Variants in ZFHX3 observed in about 807,000 individuals in gnomAD.
The protein encoded by ZFHX3 is zinc finger homeobox protein 3.
A neutral mutation model predicts 279.1 loss-of-function variants in ZFHX3; 42 were observed. The ratio of observed to expected loss-of-function variants is 0.15; its 90% CI spans 0.12 to 0.19. The LOEUF (loss-of-function observed/expected upper bound fraction) is 0.19. Ranked by LOEUF, ZFHX3 falls within the 10% of genes least tolerant of loss-of-function variation. The pLI, the probability that ZFHX3 is intolerant of heterozygous loss-of-function variation, is 1.00. For missense variants in ZFHX3, 4,981 were observed against 4,754.0 expected (o/e 1.05, Z -1.40); for synonymous variants, 2,293 against 1,957.8 (o/e 1.17, Z -4.52).
At chr16:73,253,419 A>G (rs946827943) in intron 5 of ZFHX3, among the ~76,000 whole-genome samples, 4 of 151,480 alleles carry the variant, frequency 2.6e-5, no homozygotes, top group Non-Finnish European at 4.4e-5. Flanking sequence ...CAAATGGTGC[A>G]TCAGTTGGAT....
At chr16:72,965,955 A>G (rs1350013136) in intron 1 of ZFHX3, among the ~76,000 whole-genome samples, 2 of 152,248 alleles carry the variant, frequency 1.3e-5, no homozygotes, top group Non-Finnish European at 2.9e-5. Flanking sequence ...GAAATACAAT[A>G]AAGTCTGCTT....
intron 2 of ZFHX3, among the ~76,000 whole-genome samples, chr16:73,501,077 C>T (rs1050493862): frequency 1.3e-5 from 2 of 152,178 alleles, no homozygotes; most frequent in Non-Finnish European, 2.9e-5. Flanking sequence ...TTTGTATATA[C>T]CTTTTCTATA....
At chr16:72,907,224 T>C (rs892859823) in intron 3 of ZFHX3, among the ~76,000 whole-genome samples, 8 of 152,150 alleles carry the variant, frequency 5.3e-5, no homozygotes, top group Non-Finnish European at 1.2e-4. Flanking sequence ...GACTCTATAA[T>C]AGCATAAGGC....
chr16:73,559,894 C>T (rs2020344807), intron 2 of ZFHX3, among the ~76,000 whole-genome samples: 1 of 152,148 alleles, frequency 6.6e-6, no homozygotes, highest in African/African-American at 2.4e-5. Context: ...GGACAAAGTC[C>T]TGTGAGCAGG....
chr16:73,849,172 G>A (rs1428800413), intron 1 of ZFHX3, among the ~76,000 whole-genome samples: 2 of 152,188 alleles, frequency 1.3e-5, no homozygotes, highest in African/African-American at 4.8e-5. Flanking sequence ...CATGGTCAAA[G>A]GTTACAGTCG....
chr16:73,688,549 G>A (rs764311246), intron 1 of ZFHX3, among the ~76,000 whole-genome samples: 3 of 152,084 alleles, frequency 2.0e-5, no homozygotes, highest in African/African-American at 4.8e-5. Flanking sequence ...CGCCCTGTAT[G>A]AAGCAGAAAG....
intron 2 of ZFHX3, among the ~76,000 whole-genome samples, chr16:73,588,613 CT>C (rs1446898842): frequency 2.7e-5 from 4 of 150,584 alleles, no homozygotes; most frequent in African/African-American, 9.8e-5. Context: ...TAGTGTGAAC[CT>C]GGGAGGCCGA....
At chr16:72,788,997 C>T (rs973958951) in intron 9 of ZFHX3, 149 bp from the exon 10 acceptor site, 3 of 1,216,926 alleles carry the variant, frequency 2.5e-6, no homozygotes, top group Non-Finnish European at 3.3e-6. Context: ...CAGAAGTATC[C>T]CACCAGGCTC....
At chr16:73,194,751 G>A (rs972550579) in intron 5 of ZFHX3, among the ~76,000 whole-genome samples, 1 of 152,146 alleles carries the variant, frequency 6.6e-6, no homozygotes, top group Non-Finnish European at 1.5e-5. Context: ...GAGAATCCTG[G>A]AGAAACTTTC....
chr16:73,127,166 T>A, intron 7 of ZFHX3: 1 of 351,494 alleles, frequency 2.8e-6, no homozygotes, highest in East Asian at 8.4e-5. Context: ...AATAGCTGAC[T>A]ACCTGTTGGA....
intron 5 of ZFHX3, among the ~76,000 whole-genome samples, chr16:73,255,567 T>G (rs1209529122): frequency 6.6e-6 from 1 of 152,172 alleles, no homozygotes; most frequent in Non-Finnish European, 1.5e-5. Context: ...TCCCTTTATT[T>G]GATGCCAGAA....
At chr16:73,746,170 A>G (rs61530739) in intron 1 of ZFHX3, among the ~76,000 whole-genome samples, 5,921 of 152,180 alleles carry the variant, frequency 0.039, 415 homozygotes, top group African/African-American at 0.14. Flanking sequence ...TGATTATTGC[A>G]TCAATCCTGC....
At chr16:72,813,926 A>G (rs565569924) in intron 5 of ZFHX3, among the ~76,000 whole-genome samples, 59 of 152,262 alleles carry the variant, frequency 3.9e-4, no homozygotes, top group Non-Finnish European at 1.5e-4. Flanking sequence ...GAACACATCT[A>G]CATTTGGAGT....
chr16:73,651,854 CAAAA>C (rs34470973), intron 2 of ZFHX3, among the ~76,000 whole-genome samples: 3 of 110,392 alleles, frequency 2.7e-5, no homozygotes, highest in Admixed American at 9.1e-5. Context: ...GACTCTGTCT[CAAAA>C]AAAAAAAAAA....
intron 2 of ZFHX3, among the ~76,000 whole-genome samples, chr16:73,592,280 C>A (rs1291859820): frequency 6.6e-6 from 1 of 152,042 alleles, no homozygotes; most frequent in Non-Finnish European, 1.5e-5. Flanking sequence ...AAAAGAAGTT[C>A]TTCGCTTTTG....
At position 73,447,213 on chromosome 16, in the gene ZFHX3, C is replaced by T. The variant is rs2018203751; in HGVS notation, c.-1291+8790G>A. ...AAAAAAAAAATGTAAAACACAAAAA[C>T]CTCTCTGCTCCAACATCTAATAAAA... On this transcript the variant is annotated intron_variant, in intron 3 of 17. Transcript: ENST00000641206. Among the ~76,000 whole-genome samples, 3 of 150,084 alleles carry T rather than the reference C, an allele frequency of 2.0e-5. No homozygotes were observed. The South Asian group carries it at 6.3e-4, about 32-fold the overall frequency.
chr16:73,463,068 C>A (rs1233936779), intron 2 of ZFHX3, among the ~76,000 whole-genome samples: 1 of 152,176 alleles, frequency 6.6e-6, no homozygotes, highest in African/African-American at 2.4e-5. Context: ...ACTGCCCCAA[C>A]TCCTCCCACA....
At chr16:73,390,827 A>G (rs570812683) in intron 3 of ZFHX3, among the ~76,000 whole-genome samples, 1 of 152,194 alleles carries the variant, frequency 6.6e-6, no homozygotes, top group Admixed American at 6.5e-5. Flanking sequence ...GTACCATGTC[A>G]GAGTTACTGA....
At chr16:73,340,265 G>C (rs949654396) in intron 3 of ZFHX3, among the ~76,000 whole-genome samples, 2 of 152,364 alleles carry the variant, frequency 1.3e-5, no homozygotes, top group South Asian at 2.1e-4. Context: ...CACTGGAATA[G>C]AGCAGACAGT....
Sources: allele counts gnomAD v4.1 joint callset (sites outside exome capture counted in the v4.1 genomes callset), GRCh38; gene constraint gnomAD v4.1.1; transcripts MANE v1.5; gene names NCBI Gene and HGNC (gene_info 2026-07-23, HGNC 2026-07-21).